The following PTPRD variants were observed in gnomAD, a reference collection of about 807,000 sequenced individuals.
PTPRD encodes protein tyrosine phosphatase receptor type D, also known as receptor-type tyrosine-protein phosphatase delta.
A neutral mutation model predicts 214.5 loss-of-function variants in PTPRD; 34 were observed. That is an observed-to-expected ratio of 0.16 (90% CI 0.12 to 0.21). The LOEUF (loss-of-function observed/expected upper bound fraction) is 0.21, where lower values mean the gene tolerates loss of function less well. Among genes scored for constraint, PTPRD ranks in the 10% least tolerant of loss-of-function variants. The pLI, the probability that PTPRD is intolerant of heterozygous loss-of-function variation, is 1.00. For synonymous variants in PTPRD, 1,128 were observed against 845.7 expected (o/e 1.33, Z -5.79); for missense variants, 2,545 against 2,398.7 (o/e 1.06, Z -1.27).
intron 11 of PTPRD, among the ~76,000 whole-genome samples, chr9:8,905,063 T>C (rs999336908): frequency 1.6e-4 from 24 of 152,092 alleles, no homozygotes; most frequent in African/African-American, 5.3e-4. Flanking sequence ...GAATTATGAG[T>C]ATACAAAAAT....
intron 30 of PTPRD, among the ~76,000 whole-genome samples, chr9:8,471,524 G>A (rs1040788232): frequency 4.6e-5 from 7 of 152,108 alleles, no homozygotes; most frequent in African/African-American, 1.4e-4. Context: ...ATACCTAGTA[G>A]TGCTGTTGTT....
At chr9:8,598,456 C>T (rs767069410) in intron 14 of PTPRD, among the ~76,000 whole-genome samples, 2 of 146,796 alleles carry the variant, frequency 1.4e-5, no homozygotes, top group Non-Finnish European at 2.9e-5. Context: ...ACAAGACTGT[C>T]TCAAAAAAAT....
chr9:9,082,721 A>T (rs2099761056), intron 10 of PTPRD, among the ~76,000 whole-genome samples: 1 of 152,178 alleles, frequency 6.6e-6, no homozygotes, highest in Non-Finnish European at 1.5e-5. Flanking sequence ...TACAAAATCA[A>T]CATGCAAAAA....
At chr9:10,566,684 T>C (rs1161263163) in intron 2 of PTPRD, among the ~76,000 whole-genome samples, 2 of 152,026 alleles carry the variant, frequency 1.3e-5, no homozygotes. Flanking sequence ...GTTCTTAGTT[T>C]TAATGCAACT....
At chr9:9,039,971 C>T (rs1411697255) in intron 10 of PTPRD, among the ~76,000 whole-genome samples, 2 of 119,680 alleles carry the variant, frequency 1.7e-5, no homozygotes, top group African/African-American at 5.7e-5. Context: ...AATGTTGGAA[C>T]TTCCTGTGCA....
chr9:10,004,017 A>C (rs1180443042), intron 4 of PTPRD, among the ~76,000 whole-genome samples: 1 of 151,946 alleles, frequency 6.6e-6, no homozygotes, highest in African/African-American at 2.4e-5. Context: ...AGGTTATTTT[A>C]TTTAACCCTG....
At chr9:10,246,630 T>C (rs557870127) in intron 3 of PTPRD, among the ~76,000 whole-genome samples, 6 of 152,286 alleles carry the variant, frequency 3.9e-5, no homozygotes, top group Admixed American at 3.3e-4. Flanking sequence ...TGATGATGCC[T>C]ATGACGACAG....
chr9:8,450,142 G>A lies in PTPRD; in HGVS notation c.3876-305C>T, dbSNP rs947395321. ...GGTGAGATACGCATGGACCCTTATT[G>A]AGCAATTCTCTCTTATCTACTAGTT... On this transcript the variant is annotated intron_variant, in intron 33 of 45. Transcript: ENST00000381196. 2.0e-5 allele frequency among the ~76,000 whole-genome samples: 3 copies of A among 152,102 alleles called. No individual in the cohort carries two copies. The South Asian group carries it at 6.2e-4, about 32-fold the overall frequency.
rs772882865 is a variant in PTPRD, at chr9:8,893,132, A to G, written c.-104+125565T>C. Among the ~76,000 whole-genome samples the G allele has an allele frequency of 1.1e-3, 168 of 152,266 alleles. 2 individuals are homozygous for G. Among genetic ancestry groups the G allele is most frequent in the Non-Finnish European group, 2.1e-3 (140 of 68,016 alleles). ...AAAGGAAAAAAATATATATGATAGA[A>G]GACATTTGAAGAGTTTTGTTTTGTT... is the stretch of plus-strand genomic sequence containing the variant. On this transcript the variant is annotated intron_variant, in intron 11 of 45. Transcript: ENST00000381196.
At chr9:8,325,197 C>T (rs539173771) in intron 44 of PTPRD, among the ~76,000 whole-genome samples, 87 of 150,230 alleles carry the variant, frequency 5.8e-4, no homozygotes, top group African/African-American at 2.1e-3. Flanking sequence ...AATGGTATTG[C>T]CTAGGTTTTC....
chr9:8,520,177 T>G (rs965232256), intron 20 of PTPRD, among the ~76,000 whole-genome samples: 2 of 152,216 alleles, frequency 1.3e-5, no homozygotes, highest in African/African-American at 4.8e-5. Flanking sequence ...TTAGTTTCAC[T>G]AAGTCACATT....
At chr9:10,521,970 G>A (rs1205289254) in intron 2 of PTPRD, among the ~76,000 whole-genome samples, 1 of 152,110 alleles carries the variant, frequency 6.6e-6, no homozygotes, top group Non-Finnish European at 1.5e-5. Flanking sequence ...TCTGAGGTAT[G>A]TCTGTATGGT....
chr9:10,269,770 A>G (rs2094313686), intron 3 of PTPRD, among the ~76,000 whole-genome samples: 1 of 152,194 alleles, frequency 6.6e-6, no homozygotes, highest in Admixed American at 6.5e-5. Context: ...TTACAAAAAT[A>G]TCTACAATTC....
intron 39 of PTPRD, among the ~76,000 whole-genome samples, chr9:8,373,908 ATCTAT>A (rs2082400417): frequency 1.1e-5 from 1 of 92,090 alleles, no homozygotes; most frequent in East Asian, 2.5e-4. Flanking sequence ...CTATCTATCT[ATCTAT>A]CTACCTACCT....
At chr9:9,228,922 A>T (rs2099961267) in intron 9 of PTPRD, among the ~76,000 whole-genome samples, 1 of 152,032 alleles carries the variant, frequency 6.6e-6, no homozygotes, top group South Asian at 2.1e-4. Flanking sequence ...TAGATAGTTT[A>T]TGTATGTACA....
intron 2 of PTPRD, among the ~76,000 whole-genome samples, chr9:10,355,978 G>A (rs1398387168): frequency 1.3e-5 from 2 of 152,088 alleles, no homozygotes; most frequent in Admixed American, 1.3e-4. Flanking sequence ...TGTACACTGG[G>A]AATGATATGG....
chr9:8,786,336 T>C (rs948123569), intron 11 of PTPRD, among the ~76,000 whole-genome samples: 5 of 152,140 alleles, frequency 3.3e-5, no homozygotes, highest in African/African-American at 1.2e-4. Flanking sequence ...TTTCTATTTT[T>C]GCAGGTATTA....
At chr9:9,138,412 C>G (rs1413799782) in intron 10 of PTPRD, among the ~76,000 whole-genome samples, 1 of 152,108 alleles carries the variant, frequency 6.6e-6, no homozygotes, top group Non-Finnish European at 1.5e-5. Flanking sequence ...ACTATTTGCA[C>G]TTAAAAGTCA....
intron 9 of PTPRD, among the ~76,000 whole-genome samples, chr9:9,352,795 G>A (rs1477128236): frequency 1.3e-5 from 2 of 151,926 alleles, no homozygotes; most frequent in Admixed American, 6.6e-5. Flanking sequence ...ATGTCTGGAA[G>A]AAGATTCTCT....
Sources: allele counts gnomAD v4.1 joint callset (sites outside exome capture counted in the v4.1 genomes callset), GRCh38; gene constraint gnomAD v4.1.1; transcripts MANE v1.5; gene names NCBI Gene and HGNC (gene_info 2026-07-23, HGNC 2026-07-21).